The following ANO4 variants were observed in gnomAD, a reference collection of about 807,000 sequenced individuals.
The protein encoded by ANO4 is anoctamin 4.
ANO4 carries 69 observed loss-of-function variants against 141.9 expected under a neutral mutation model. That is an observed-to-expected ratio of 0.49 (90% CI 0.40 to 0.59). The LOEUF (loss-of-function observed/expected upper bound fraction) is 0.59. Among genes scored for constraint, ANO4 ranks in the 20% least tolerant of loss-of-function variants. The pLI is 0.00. For missense variants in ANO4, 894 were observed against 1,162.2 expected (o/e 0.77, Z 3.36); for synonymous variants, 350 against 394.3 (o/e 0.89, Z 1.33).
At chr12:100,948,992 A>G (rs974103415) in intron 5 of ANO4, among the ~76,000 whole-genome samples, 2 of 152,184 alleles carry the variant, frequency 1.3e-5, no homozygotes, top group African/African-American at 4.8e-5. Context: ...GCCTATGAAG[A>G]GGGCCACCTA....
intron 5 of ANO4, among the ~76,000 whole-genome samples, chr12:100,965,611 C>T (rs981920168): frequency 3.9e-5 from 6 of 151,972 alleles, no homozygotes; most frequent in Non-Finnish European, 5.9e-5. Flanking sequence ...CTCTCTCCAC[C>T]TCACACTTTA....
chr12:101,008,624 G>A (rs939580002), intron 8 of ANO4, among the ~76,000 whole-genome samples: 4 of 151,736 alleles, frequency 2.6e-5, no homozygotes, highest in African/African-American at 9.7e-5. Context: ...CCTTTTTTGC[G>A]CTATTTTTGC....
chr12:100,941,401 T>C (rs1168949753), intron 4 of ANO4, among the ~76,000 whole-genome samples: 1 of 152,200 alleles, frequency 6.6e-6, no homozygotes, highest in Non-Finnish European at 1.5e-5. Context: ...AGATTTACTT[T>C]ATTTTATGCT....
At chr12:100,726,296 A>G (rs1327909821) in intron 1 of ANO4, among the ~76,000 whole-genome samples, 1 of 151,912 alleles carries the variant, frequency 6.6e-6, no homozygotes, top group Admixed American at 6.5e-5. Flanking sequence ...GTCTTTCTTA[A>G]AAAGAAGCTC....
intron 26 of ANO4, among the ~76,000 whole-genome samples, chr12:101,122,318 A>G (rs2051130986): frequency 6.6e-6 from 1 of 152,018 alleles, no homozygotes; most frequent in Non-Finnish European, 1.5e-5. Context: ...GTTTGCAAAT[A>G]TTTTCTCCCA....
chr12:101,031,728 G>A (rs976311959), intron 9 of ANO4, among the ~76,000 whole-genome samples: 10 of 152,186 alleles, frequency 6.6e-5, no homozygotes, highest in Admixed American at 5.2e-4. Context: ...AGCAACTTCA[G>A]CAAAGTCTCA....
At chr12:100,950,331 CAAGTT>C (rs986816414) in intron 5 of ANO4, among the ~76,000 whole-genome samples, 2 of 152,184 alleles carry the variant, frequency 1.3e-5, no homozygotes, top group African/African-American at 4.8e-5. Flanking sequence ...CCAAGGGTCT[CAAGTT>C]AAGGTGACAA....
At chr12:100,777,600 A>G (rs1403362631) in intron 3 of ANO4, among the ~76,000 whole-genome samples, 1 of 152,042 alleles carries the variant, frequency 6.6e-6, no homozygotes, top group Non-Finnish European at 1.5e-5. Context: ...CCCTTTTTCT[A>G]AGTTTTATAT....
chr12:101,085,378 T>TA lies in ANO4; in HGVS notation c.1537-1275dup, dbSNP rs553299686. Among the ~76,000 whole-genome samples, 390 of 152,192 alleles carry TA rather than the reference T, an allele frequency of 2.6e-3. 2 individuals carry two copies. The highest frequency in any genetic ancestry group is 8.9e-3 in the African/African-American group (369 of 41,534). ...ACCAGCCACAGATGGAAATTTTTTT[T>TA]AAAAAAAGGTTAGTTGTAGCTGTAC... On this transcript the variant is annotated intron_variant, in intron 16 of 27. Coordinates refer to ENST00000392977, the MANE Select transcript of ANO4 (RefSeq NM_001286615.2).
At chr12:101,065,760 A>G (rs998619229) in intron 14 of ANO4, among the ~76,000 whole-genome samples, 6 of 152,226 alleles carry the variant, frequency 3.9e-5, no homozygotes, top group Non-Finnish European at 5.9e-5. Flanking sequence ...AACTCATTCT[A>G]TGAGTCCAGT....
chr12:101,037,777 T>C (rs2047257622), intron 10 of ANO4, among the ~76,000 whole-genome samples: 1 of 152,222 alleles, frequency 6.6e-6, no homozygotes, highest in South Asian at 2.1e-4. Context: ...TCATGATTAT[T>C]GAGAAATTAT....
chr12:101,104,613 GTGTATGTATGTGTGTATATATATA>G (rs1300207512), intron 22 of ANO4, among the ~76,000 whole-genome samples: 25 of 88,092 alleles, frequency 2.8e-4, no homozygotes, highest in South Asian at 1.7e-3. Context: ...GTGTGTGTGT[GTGTATGTATGTGTGTATATATATA>G]TATATATATA....
chr12:100,720,332 A>C (rs191206400), intron 1 of ANO4, among the ~76,000 whole-genome samples: 13 of 152,180 alleles, frequency 8.5e-5, no homozygotes, highest in Admixed American at 7.2e-4. Context: ...CTGAGGAGAA[A>C]CTTAAGCAGA....
chr12:101,072,463 A>G (rs2048852590), intron 14 of ANO4, among the ~76,000 whole-genome samples: 1 of 152,080 alleles, frequency 6.6e-6, no homozygotes, highest in African/African-American at 2.4e-5. Context: ...TAATTGTTCT[A>G]TTTAAGAAAA....
intron 8 of ANO4, among the ~76,000 whole-genome samples, chr12:101,001,907 T>C (rs1044178612): frequency 1.3e-5 from 2 of 152,158 alleles, no homozygotes; most frequent in African/African-American, 4.8e-5. Flanking sequence ...GGGAAAAACC[T>C]GATTCTTCTC....
Position 100,806,523 on chromosome 12 carries a change from CGTTTTT to C in ANO4, c.-141+11497_-141+11502del, listed in dbSNP as rs2035041659. 4.4e-4 allele frequency among the ~76,000 whole-genome samples: 20 copies of C among 44,976 alleles called. 1 individual carries two copies. The highest frequency in any genetic ancestry group is 1.0e-3 in the African/African-American group (14 of 13,676). 29.5% of individuals were successfully genotyped at this position (44,976 alleles called of 152,430 possible). A position where few individuals can be genotyped will look rare whatever the true frequency, so the allele number is the denominator to read the frequency against. On this transcript the variant is annotated intron_variant, in intron 1 of 27. Transcript: ENST00000392977. ...TTTTTAGGAGGTTTTTTTTTTGTTT[CGTTTTT>C]TTTTTTTTTTTTTTTTTTTTTTTTT...
chr12:100,955,829 G>T (rs750118837), intron 5 of ANO4, among the ~76,000 whole-genome samples: 22 of 152,156 alleles, frequency 1.4e-4, no homozygotes, highest in Non-Finnish European at 2.4e-4. Context: ...AAGTAGAAGG[G>T]CATGGCATTC....
At position 101,018,387 on chromosome 12, in the gene ANO4, G is replaced by A. The variant is rs1318048485; in HGVS notation, c.735-1647G>A. Among the ~76,000 whole-genome samples, 9 of 152,240 alleles carry A rather than the reference G, an allele frequency of 5.9e-5. No homozygotes were observed. The Middle Eastern group carries it at 0.014, about 230-fold the overall frequency. On this transcript the variant is annotated intron_variant, in intron 8 of 27. Transcript: ENST00000392977. ...ACTCAAATTACCTTTCTCCAAGAGC[G>A]GTATTCAGTAAGAGAATCCAAGAGA...
At chr12:101,110,702 T>A in intron 23 of ANO4, 146 bp downstream of exon 23, 1 of 681,336 alleles carries the variant, frequency 1.5e-6, no homozygotes, top group Non-Finnish European at 2.1e-6. Flanking sequence ...ATATTAGTTT[T>A]AAATAATATT....
Sources: allele counts gnomAD v4.1 joint callset (sites outside exome capture counted in the v4.1 genomes callset), GRCh38; gene constraint gnomAD v4.1.1; transcripts MANE v1.5; gene names NCBI Gene and HGNC (gene_info 2026-07-23, HGNC 2026-07-21).